PARD3B: variants seen among roughly 807,000 people sequenced by gnomAD.
PARD3B encodes partitioning defective 3 homolog B.
A neutral mutation model predicts 130.2 loss-of-function variants in PARD3B; 103 were observed. The observed-to-expected ratio is 0.79, with a 90% CI of 0.67 to 0.93. PARD3B has a LOEUF of 0.93. Among genes scored for constraint, PARD3B ranks in the 40% least tolerant of loss-of-function variants. The pLI, the probability that PARD3B is intolerant of heterozygous loss-of-function variation, is 0.00. For synonymous variants in PARD3B, 583 were observed against 553.2 expected (o/e 1.05, Z -0.76); for missense variants, 1,609 against 1,499.2 (o/e 1.07, Z -1.21).
intron 22 of PARD3B, among the ~76,000 whole-genome samples, chr2:205,577,954 A>T (rs2053823212): frequency 6.6e-6 from 1 of 152,206 alleles, no homozygotes; most frequent in Admixed American, 6.5e-5. Context: ...AATACTGCTG[A>T]TGGAAAGCAG....
intron 22 of PARD3B, among the ~76,000 whole-genome samples, chr2:205,608,457 A>G: frequency 6.6e-6 from 1 of 152,206 alleles, no homozygotes; most frequent in East Asian, 1.9e-4. Flanking sequence ...CTGTGGATAA[A>G]CAGACCATGG....
At chr2:204,796,088 A>G (rs181460250) in intron 2 of PARD3B, among the ~76,000 whole-genome samples, 8 of 152,364 alleles carry the variant, frequency 5.3e-5, no homozygotes, top group Admixed American at 5.2e-4. Context: ...TTAGTCCAAA[A>G]AGATGTTAAT....
chr2:205,130,607 A>C (rs906554967), intron 10 of PARD3B, among the ~76,000 whole-genome samples: 1 of 152,098 alleles, frequency 6.6e-6, no homozygotes, highest in African/African-American at 2.4e-5. Flanking sequence ...TAACCTCTTT[A>C]ACGTTTCATT....
chr2:205,523,223 G>C (rs956279586), intron 21 of PARD3B, among the ~76,000 whole-genome samples: 130 of 128,026 alleles, frequency 1.0e-3, no homozygotes, highest in African/African-American at 3.3e-3. Flanking sequence ...GTGTGTGTGT[G>C]TGTATATATA....
chr2:205,436,681 A>G (rs1299028537), intron 19 of PARD3B, among the ~76,000 whole-genome samples: 4 of 152,030 alleles, frequency 2.6e-5, no homozygotes, highest in Admixed American at 2.6e-4. Context: ...ATGATCTCTC[A>G]AAATACCCTT....
rs555778967 is a variant in PARD3B, at chr2:205,361,587, T to A, written c.2631-39426T>A. 1.1e-3 allele frequency among the ~76,000 whole-genome samples: 174 copies of A among 152,330 alleles called. 1 individual carries two copies. The highest frequency in any genetic ancestry group is 4.1e-3 in the African/African-American group (172 of 41,580). On this transcript the variant is annotated intron_variant, in intron 18 of 22. Coordinates refer to ENST00000406610, the MANE Select transcript of PARD3B (RefSeq NM_001302769.2). ...TCCTACATTCTAGCCACACCTTGAT[T>A]CAATTTCTAGACCCAGGGTTTTATC...
intron 20 of PARD3B, among the ~76,000 whole-genome samples, chr2:205,445,979 A>T (rs1443672838): frequency 6.6e-6 from 1 of 152,204 alleles, no homozygotes; most frequent in African/African-American, 2.4e-5. Flanking sequence ...TTCATTATGG[A>T]TATTAGGATC....
chr2:205,441,692 G>A (rs1307872352), intron 20 of PARD3B, among the ~76,000 whole-genome samples: 1 of 152,142 alleles, frequency 6.6e-6, no homozygotes, highest in East Asian at 1.9e-4. Flanking sequence ...GTGATATTAT[G>A]CACTTTCAAT....
intron 2 of PARD3B, among the ~76,000 whole-genome samples, chr2:204,761,365 G>T (rs2040889944): frequency 6.6e-6 from 1 of 152,130 alleles, no homozygotes; most frequent in Non-Finnish European, 1.5e-5. Context: ...CAGTTTCCTT[G>T]CTGAAAGAGT....
At chr2:205,398,722 G>T (rs746111008) in intron 18 of PARD3B, among the ~76,000 whole-genome samples, 7 of 152,188 alleles carry the variant, frequency 4.6e-5, no homozygotes, top group Non-Finnish European at 5.9e-5. Context: ...GCTCCGACTT[G>T]ACTAACATCC....
At position 205,616,706 on chromosome 2, in the gene PARD3B, G is replaced by A. The variant is rs2055448163; in HGVS notation, c.*893G>A. The stretch of plus-strand genomic sequence containing the variant: ...AATTACTTTAACTGGGGTCTCTAAG[G>A]TTCCCACTTGAGGGCTAAAATGTAG... On this transcript the variant is annotated 3_prime_UTR_variant, in exon 23 of 23. Coordinates refer to ENST00000406610, the MANE Select transcript of PARD3B (RefSeq NM_001302769.2). 6.6e-6 allele frequency: 1 copy of A among 152,170 alleles called. No homozygotes were observed. The highest frequency in any genetic ancestry group is 2.1e-4 in the South Asian group (1 of 4,824). 9.4% of individuals were successfully genotyped at this position (152,170 alleles called of 1,614,324 possible). A position where few individuals can be genotyped will look rare whatever the true frequency, so the allele number is the denominator to read the frequency against.
intron 1 of PARD3B, among the ~76,000 whole-genome samples, chr2:204,609,822 C>A (rs1380607983): frequency 6.6e-6 from 1 of 151,772 alleles, no homozygotes; most frequent in Admixed American, 6.6e-5. Context: ...AGGGTCTTTC[C>A]TTTAAATAAG....
At chr2:205,369,502 G>A (rs898984913) in intron 18 of PARD3B, among the ~76,000 whole-genome samples, 11 of 152,128 alleles carry the variant, frequency 7.2e-5, no homozygotes, top group Non-Finnish European at 1.2e-4. Flanking sequence ...GGGCGCCTTC[G>A]TGTTCTGATT....
At chr2:205,289,589 A>G (rs2041526197) in intron 16 of PARD3B, among the ~76,000 whole-genome samples, 1 of 152,168 alleles carries the variant, frequency 6.6e-6, no homozygotes, top group Admixed American at 6.5e-5. Flanking sequence ...GCTATGGTTG[A>G]GTGTGTCCCC....
chr2:204,955,287 A>G (rs1690138703), intron 2 of PARD3B, among the ~76,000 whole-genome samples: 1 of 152,232 alleles, frequency 6.6e-6, no homozygotes, highest in South Asian at 2.1e-4. Flanking sequence ...TCAAATACAT[A>G]TATGTAGTCC....
chr2:204,614,979 T>C (rs942451583), intron 1 of PARD3B, among the ~76,000 whole-genome samples: 4 of 152,190 alleles, frequency 2.6e-5, no homozygotes, highest in African/African-American at 9.6e-5. Flanking sequence ...AATTACTCAC[T>C]TTTATGTGAG....
chr2:204,660,410 GTTAT>G (rs2035766078), intron 1 of PARD3B, among the ~76,000 whole-genome samples: 1 of 152,208 alleles, frequency 6.6e-6, no homozygotes, highest in African/African-American at 2.4e-5. Flanking sequence ...AACAAATGAA[GTTAT>G]TTATTGAGTA....
Position 205,550,929 on chromosome 2 carries a change from G to A in PARD3B, c.3181-2395G>A, listed in dbSNP as rs1274671973. Among the ~76,000 whole-genome samples the A allele has an allele frequency of 1.7e-4, 7 of 41,488 alleles. No individual in the cohort carries two copies. Among genetic ancestry groups the A allele is most frequent in the African/African-American group, 4.2e-4 (7 of 16,522 alleles). 27.2% of individuals were successfully genotyped at this position (41,488 alleles called of 152,430 possible). ...GTTATAAATACATATAATTATGTGT[G>A]TGTGTGTGTGTGTATATATATATGT... On this transcript the variant is annotated intron_variant, in intron 21 of 22. Coordinates refer to ENST00000406610, the MANE Select transcript of PARD3B (RefSeq NM_001302769.2). The surrounding 1 kb of genome is among the most constrained non-coding windows in gnomAD (Gnocchi z 4.5).
intron 1 of PARD3B, among the ~76,000 whole-genome samples, chr2:204,555,542 A>G (rs1259902366): frequency 6.6e-6 from 1 of 152,148 alleles, no homozygotes; most frequent in African/African-American, 2.4e-5. Context: ...TGGGCAACAG[A>G]GCAAGATGCC....
Sources: gnomAD v4.1 joint callset for allele counts (sites outside exome capture counted in the v4.1 genomes callset) on GRCh38, gnomAD v4.1.1 for gene constraint, Gnocchi (gnomAD v3.1) non-coding constraint, MANE v1.5 for transcripts, NCBI Gene and HGNC (gene_info 2026-07-23, HGNC 2026-07-21) for gene names.